The following CELF2 variants were observed in gnomAD, a reference collection of about 807,000 sequenced individuals.
The protein encoded by CELF2 is CUG triplet repeat RNA-binding protein 2.
A neutral mutation model predicts 62.6 loss-of-function variants in CELF2; 8 were observed. That is an observed-to-expected ratio of 0.13 (90% CI 0.07 to 0.23). The LOEUF is 0.23. CELF2 is among the 10% of genes least tolerant of loss of function. The probability of loss-of-function intolerance (pLI) is 1.00; values close to 1 mark genes in which losing one functional copy is unlikely to be tolerated. For missense variants in CELF2, 333 were observed against 671.0 expected, an observed-to-expected ratio of 0.50 and a Z score of 5.56; for synonymous variants, 258 against 250.0, an observed-to-expected ratio of 1.03 and a Z score of -0.30.
rs539116989 is a variant in CELF2, at chr10:11,227,289, G to A, written c.354+9782G>A. Among the ~76,000 whole-genome samples the A allele has an allele frequency of 3.3e-5, 5 of 152,322 alleles. No individual in the cohort carries two copies. The East Asian group carries it at 9.6e-4, about 29-fold the overall frequency. On this transcript the variant is annotated intron_variant, in intron 3 of 12. Transcript: ENST00000633077. This position sits in a 1 kb window ranked among gnomAD's most constrained non-coding sequence, Gnocchi z 4.8. ...CAGTCAAGTCTGCATAACCATCTAAGCTTCTGAATCTGCTGCTGCCGACAA... is the reference window on the plus strand; with the variant it reads ...CAGTCAAGTCTGCATAACCATCTAAACTTCTGAATCTGCTGCTGCCGACAA...
chr10:11,021,345 A>G (rs1429639278), intron 1 of CELF2, among the ~76,000 whole-genome samples: 3 of 152,218 alleles, frequency 2.0e-5, no homozygotes, highest in Non-Finnish European at 2.9e-5. Context: ...TAAATTCATC[A>G]GCTTAATGAA....
chr10:10,585,316 G>C, the CELF2 span, among the ~76,000 whole-genome samples: 1 of 152,128 alleles, frequency 6.6e-6, no homozygotes, highest in East Asian at 1.9e-4. Context: ...AAAACACAGA[G>C]TTCCAGGACT....
chr10:10,722,482 G>C, the CELF2 span, among the ~76,000 whole-genome samples: 1 of 151,230 alleles, frequency 6.6e-6, no homozygotes, highest in Non-Finnish European at 1.5e-5. Flanking sequence ...AATTAAATAA[G>C]GGCAGTCTCC....
the CELF2 span, among the ~76,000 whole-genome samples, chr10:10,581,494 G>C: frequency 6.6e-6 from 1 of 152,188 alleles, no homozygotes; most frequent in Non-Finnish European, 1.5e-5. Flanking sequence ...TGTGTCAGTA[G>C]TACTCAGGAA....
chr10:10,939,798 C>CA (rs1372925101), intron 2 of CELF2, among the ~76,000 whole-genome samples: 1 of 151,572 alleles, frequency 6.6e-6, no homozygotes, highest in Non-Finnish European at 1.5e-5. Flanking sequence ...ACTAAAAATA[C>CA]AAAAAATTAG....
chr10:10,831,505 C>T (rs756859580), intron 1 of CELF2, among the ~76,000 whole-genome samples: 1 of 152,202 alleles, frequency 6.6e-6, no homozygotes, highest in East Asian at 1.9e-4. Flanking sequence ...ATGGCAAGAT[C>T]GATGTTTCTG....
the CELF2 span, among the ~76,000 whole-genome samples, chr10:10,598,993 C>T: frequency 1.4e-3 from 208 of 151,950 alleles, 1 homozygote; most frequent in South Asian, 2.7e-3. Flanking sequence ...CTCAGGTGAT[C>T]CACCCTCCTC....
chr10:10,481,776 T>C, the CELF2 span, among the ~76,000 whole-genome samples: 5 of 152,244 alleles, frequency 3.3e-5, no homozygotes, highest in African/African-American at 4.8e-5. Flanking sequence ...AATTGTCGAC[T>C]CAATTCTGTA....
intron 1 of CELF2, among the ~76,000 whole-genome samples, chr10:10,893,276 A>T (rs1313906856): frequency 6.6e-6 from 1 of 152,228 alleles, no homozygotes; most frequent in Non-Finnish European, 1.5e-5. Flanking sequence ...CTTGACTGTA[A>T]TTACACATAG....
the CELF2 span, among the ~76,000 whole-genome samples, chr10:10,776,937 C>G: frequency 6.6e-6 from 1 of 152,240 alleles, no homozygotes; most frequent in Non-Finnish European, 1.5e-5. Context: ...TCTGCATTCT[C>G]TTCACGTCTT....
In CELF2 at chr10:11,305,131, T is replaced by G. The variant is rs1417649591; in HGVS notation, c.977-9008T>G. Among the ~76,000 whole-genome samples the G allele has an allele frequency of 6.6e-6, 1 of 152,072 alleles. No individual in the cohort carries two copies. Among genetic ancestry groups the G allele is most frequent in the East Asian group, 1.9e-4 (1 of 5,176 alleles). ...CTACCAGTCTGATAGTCACCCCTCCTCCCACAGGAAATCCAAGGCTGGTGA... is the reference window on the plus strand; with the variant it reads ...CTACCAGTCTGATAGTCACCCCTCCGCCCACAGGAAATCCAAGGCTGGTGA... On this transcript the variant is annotated intron_variant, in intron 9 of 12. Transcript: ENST00000633077. This position sits in a 1 kb window ranked among gnomAD's most constrained non-coding sequence, Gnocchi z 4.8.
At chr10:11,197,010 A>AAG (rs1173148437) in intron 2 of CELF2, among the ~76,000 whole-genome samples, 3 of 14,294 alleles carry the variant, frequency 2.1e-4, no homozygotes, top group South Asian at 1.2e-3. Context: ...AGGAGAAAGA[A>AAG]AGAAAGAAAG....
intron 1 of CELF2, among the ~76,000 whole-genome samples, chr10:10,828,055 G>T (rs539750093): frequency 4.7e-5 from 7 of 147,582 alleles, no homozygotes; most frequent in Admixed American, 1.4e-4. Flanking sequence ...GTACAGTGTT[G>T]GTGGGAATGT....
At chr10:10,653,485 A>T in the CELF2 span, among the ~76,000 whole-genome samples, 1 of 144,820 alleles carries the variant, frequency 6.9e-6, no homozygotes, top group African/African-American at 2.6e-5. Context: ...CTCCTCAGCA[A>T]ATGTAAAAGA....
chr10:10,549,135 G>C, the CELF2 span, among the ~76,000 whole-genome samples: 3 of 152,204 alleles, frequency 2.0e-5, no homozygotes, highest in African/African-American at 7.2e-5. Flanking sequence ...AGGGTAGCTA[G>C]AGAAGATGTC....
chr10:10,779,889 G>A, the CELF2 span, among the ~76,000 whole-genome samples: 2 of 152,010 alleles, frequency 1.3e-5, no homozygotes, highest in South Asian at 2.1e-4. Flanking sequence ...CTTTCTAGGT[G>A]TGAAATATCT....
At position 11,062,352 on chromosome 10, in the gene CELF2, C is replaced by T. The variant is rs577221745; in HGVS notation, c.74+44189C>T. Among the ~76,000 whole-genome samples, 1,387 of 152,322 alleles carry T rather than the reference C, an allele frequency of 9.1e-3. 20 individuals are homozygous for T. Among genetic ancestry groups the T allele is most frequent in the African/African-American group, 0.032 (1,315 of 41,562 alleles). On this transcript the variant is annotated intron_variant, in intron 1 of 12. Transcript: ENST00000633077. Reference sequence around the variant, plus strand: ...AACATATTTTGTAAGGCTATGGCTGCTATAGATTGTGATTCCTCTAATGGA... The same window carrying T: ...AACATATTTTGTAAGGCTATGGCTGTTATAGATTGTGATTCCTCTAATGGA...
chr10:11,271,371 G>A (rs2083712426), intron 7 of CELF2, among the ~76,000 whole-genome samples: 1 of 152,200 alleles, frequency 6.6e-6, no homozygotes, highest in Admixed American at 6.5e-5. Flanking sequence ...CTTTCTGGTT[G>A]TTTACTCATG....
the CELF2 span, among the ~76,000 whole-genome samples, chr10:10,720,179 A>G: frequency 6.6e-6 from 1 of 152,160 alleles, no homozygotes; most frequent in African/African-American, 2.4e-5. Flanking sequence ...ACGGCAGGCA[A>G]CTCATCTATA....
Sources: gnomAD v4.1 joint callset for allele counts (sites outside exome capture counted in the v4.1 genomes callset) on GRCh38, gnomAD v4.1.1 for gene constraint, Gnocchi (gnomAD v3.1) non-coding constraint, MANE v1.5 for transcripts, NCBI Gene and HGNC (gene_info 2026-07-23, HGNC 2026-07-21) for gene names.